Variants in DOCK1 observed in about 807,000 individuals in gnomAD.
The protein encoded by DOCK1 is dedicator of cytokinesis protein 1.
A neutral mutation model predicts 262.7 loss-of-function variants in DOCK1; 138 were observed. The observed-to-expected ratio is 0.53, with a 90% confidence interval of 0.46 to 0.61. The LOEUF (loss-of-function observed/expected upper bound fraction) is 0.61, where lower values mean the gene tolerates loss of function less well. Ranked by LOEUF, DOCK1 falls within the 20% of genes least tolerant of loss-of-function variation. DOCK1 has a pLI of 0.00. For synonymous variants in DOCK1, 866 were observed against 867.4 expected (o/e 1.00, Z 0.03); for missense variants, 1,908 against 2,370.7 (o/e 0.80, Z 4.05).
rs183481544 is a variant in DOCK1 at position 127,343,574 on chromosome 10, G to A, written c.3124-72G>A. The A allele has an allele frequency of 5.1e-6, 6 of 1,178,302 alleles. No homozygotes were observed. The Admixed American group carries it at 1.1e-4, about 22-fold the overall frequency. 73.0% of individuals were successfully genotyped at this position (1,178,302 alleles called of 1,614,324 possible). The stretch of plus-strand genomic sequence containing the variant: ...AGTGTGTGCTGAGCAAATGATAAAT[G>A]TCTGAGAGCATTGTTGAGATCCTAT... On this transcript the variant is annotated intron_variant, in intron 30 of 51. Transcript: ENST00000623213.
intron 21 of DOCK1, among the ~76,000 whole-genome samples, chr10:127,049,637 G>C (rs956451579): frequency 6.6e-5 from 10 of 151,974 alleles, no homozygotes; most frequent in Non-Finnish European, 1.2e-4. Context: ...CCATGTTCAT[G>C]TATTGAAAAA....
chr10:127,280,097 C>T (rs1354178925), intron 29 of DOCK1, among the ~76,000 whole-genome samples: 54 of 145,858 alleles, frequency 3.7e-4, no homozygotes, highest in Admixed American at 2.8e-3. Flanking sequence ...TGCAGCGGCG[C>T]GATCTCGGCT....
intron 29 of DOCK1, among the ~76,000 whole-genome samples, chr10:127,309,452 G>A (rs187359734): frequency 1.4e-3 from 206 of 146,068 alleles, no homozygotes; most frequent in African/African-American, 5.2e-3. Flanking sequence ...ATTAAATCCC[G>A]GTTGTCAATT....
chr10:127,401,513 C>G (rs1236393134), intron 38 of DOCK1, among the ~76,000 whole-genome samples: 1 of 152,202 alleles, frequency 6.6e-6, no homozygotes, highest in Non-Finnish European at 1.5e-5. Flanking sequence ...TGGCCTACTT[C>G]CAGCGTCGTG....
In DOCK1 at chr10:126,987,637, A is replaced by G. The variant is rs917519899; in HGVS notation, c.324+20A>G. ...TACGTGGTGAGAAAATGAGATATTC[A>G]TTCAAAGCTTAGAAATAGAGAGTGG... On this transcript the variant is annotated intron_variant, in intron 5 of 51. Coordinates refer to ENST00000623213, the MANE Select transcript of DOCK1 (RefSeq NM_001290223.2). 94 of 1,541,668 alleles carry G rather than the reference A, an allele frequency of 6.1e-5. No homozygotes were observed. The highest frequency in any genetic ancestry group is 3.2e-4 in the Admixed American group (16 of 50,438).
At chr10:127,257,007 T>C (rs1416927409) in intron 28 of DOCK1, among the ~76,000 whole-genome samples, 1 of 152,210 alleles carries the variant, frequency 6.6e-6, no homozygotes, top group African/African-American at 2.4e-5. Context: ...CTGCAAGCCT[T>C]GTTTGTTAAA....
At chr10:127,015,415 T>C (rs1222209504) in intron 12 of DOCK1, among the ~76,000 whole-genome samples, 1 of 152,060 alleles carries the variant, frequency 6.6e-6, no homozygotes, top group Admixed American at 6.5e-5. Context: ...TGTCCCAGTT[T>C]TCCATTTCCC....
chr10:126,983,503 G>C (rs1234217753), intron 4 of DOCK1, among the ~76,000 whole-genome samples: 8 of 152,206 alleles, frequency 5.3e-5, no homozygotes, highest in Non-Finnish European at 1.0e-4. Flanking sequence ...TCTGTCTCTT[G>C]CTGGTCTCTT....
intron 29 of DOCK1, among the ~76,000 whole-genome samples, chr10:127,266,783 A>G (rs1033156976): frequency 3.3e-5 from 5 of 152,186 alleles, no homozygotes; most frequent in Non-Finnish European, 7.3e-5. Context: ...CCTGCATTTT[A>G]CTACAGCTCA....
chr10:127,242,180 C>G (rs890539248), intron 27 of DOCK1, among the ~76,000 whole-genome samples: 2 of 152,086 alleles, frequency 1.3e-5, no homozygotes, highest in African/African-American at 4.8e-5. Flanking sequence ...TTAATATGTG[C>G]CTTACTGTCA....
intron 29 of DOCK1, among the ~76,000 whole-genome samples, chr10:127,297,969 G>C (rs916937217): frequency 6.6e-6 from 1 of 151,962 alleles, no homozygotes; most frequent in African/African-American, 2.4e-5. Context: ...ATTATCTTGA[G>C]GGGAAACAAA....
intron 47 of DOCK1, among the ~76,000 whole-genome samples, chr10:127,426,773 G>A (rs1207993882): frequency 6.6e-6 from 1 of 152,170 alleles, no homozygotes; most frequent in Non-Finnish European, 1.5e-5. Context: ...GGCTCTGCTC[G>A]GGATGAAGGG....
chr10:127,044,884 G>C (rs1225276606), intron 21 of DOCK1, among the ~76,000 whole-genome samples: 1 of 152,082 alleles, frequency 6.6e-6, no homozygotes, highest in Non-Finnish European at 1.5e-5. Flanking sequence ...TTTATGCTGT[G>C]ATGGGACTGA....
At chr10:127,095,976 C>T (rs557502785) in intron 23 of DOCK1, among the ~76,000 whole-genome samples, 12 of 152,064 alleles carry the variant, frequency 7.9e-5, no homozygotes, top group South Asian at 2.1e-4. Context: ...ATTGAGTGAA[C>T]CGAAGCATTG....
rs202133292 is a variant in DOCK1 at position 126,970,751 on chromosome 10, C to T, written c.96C>T (p.Ile32=). 8.6e-5 allele frequency: 138 copies of T among 1,613,502 alleles called. No homozygotes were observed. Among genetic ancestry groups the T allele is most frequent in the African/African-American group, 1.5e-4 (11 of 74,916 alleles). ...GAGCGGATGAACTTTCTTTACAGAT[C>T]GGAGACACTGTGCACATCTTAGAAA... The part of the protein sequence containing the change: ...ARGADELSLQ[I]GDTVHILETY... Residue 32 remains isoleucine (I), a synonymous_variant, in exon 2 of 52, where the codon ATC becomes ATT. Transcript: ENST00000623213.
intron 27 of DOCK1, among the ~76,000 whole-genome samples, chr10:127,242,603 C>T (rs1240721246): frequency 2.0e-5 from 3 of 152,024 alleles, no homozygotes; most frequent in African/African-American, 7.2e-5. Flanking sequence ...CTTGAATGCG[C>T]CCCAAAAGAA....
chr10:127,163,368 T>G lies in DOCK1; in HGVS notation c.2847+35604T>G, dbSNP rs575329847. Among the ~76,000 whole-genome samples, 13 of 152,176 alleles carry G rather than the reference T, an allele frequency of 8.5e-5. No homozygotes were observed. The East Asian group carries it at 1.2e-3, about 14-fold the overall frequency. ...TATCGCCATGGAGTATACCGGGAGCTGTAGCTATTTCGCTTTCCCTGTCTC... is the reference window on the plus strand; with the variant it reads ...TATCGCCATGGAGTATACCGGGAGCGGTAGCTATTTCGCTTTCCCTGTCTC... On this transcript the variant is annotated intron_variant, in intron 27 of 51. Transcript: ENST00000623213.
At chr10:127,173,077 C>A (rs964126365) in intron 27 of DOCK1, among the ~76,000 whole-genome samples, 1 of 152,174 alleles carries the variant, frequency 6.6e-6, no homozygotes, top group Non-Finnish European at 1.5e-5. Flanking sequence ...GGGATGCATT[C>A]ATCACATTGG....
intron 21 of DOCK1, among the ~76,000 whole-genome samples, chr10:127,046,665 G>A (rs2135684507): frequency 6.7e-6 from 1 of 150,298 alleles, no homozygotes; most frequent in African/African-American, 2.4e-5. Context: ...GAAGGCTGAG[G>A]TAGGAGAATC....
Sources: allele counts gnomAD v4.1 joint callset (sites outside exome capture counted in the v4.1 genomes callset), GRCh38; gene constraint gnomAD v4.1.1; transcripts MANE v1.5; gene names NCBI Gene and HGNC (gene_info 2026-07-23, HGNC 2026-07-21).